The following BACH2 variants were observed in gnomAD, a reference collection of about 807,000 sequenced individuals.
The protein encoded by BACH2 is BACH transcriptional regulator 2, also known as transcription regulator protein BACH2.
A neutral mutation model predicts 61.8 loss-of-function variants in BACH2; 5 were observed. The ratio of observed to expected loss-of-function variants is 0.08; its 90% CI spans 0.04 to 0.17. The LOEUF is 0.17. BACH2 is among the 10% of genes least tolerant of loss of function. The pLI, the probability that BACH2 is intolerant of heterozygous loss-of-function variation, is 1.00. For missense variants in BACH2, 824 were observed against 1,091.1 expected (o/e 0.76, Z 3.45); for synonymous variants, 446 against 440.1 (o/e 1.01, Z -0.17).
intron 4 of BACH2, among the ~76,000 whole-genome samples, chr6:90,183,153 C>A (rs1377364228): frequency 6.6e-6 from 1 of 152,152 alleles, no homozygotes; most frequent in African/African-American, 2.4e-5. Flanking sequence ...TAATTCAGAC[C>A]AACCTTTACC....
chr6:89,959,660 T>A (rs1774630338), intron 6 of BACH2, among the ~76,000 whole-genome samples: 1 of 152,206 alleles, frequency 6.6e-6, no homozygotes, highest in African/African-American at 2.4e-5. Flanking sequence ...AATACAAACA[T>A]AACCGGAAAA....
At chr6:90,044,190 A>G (rs1157835713) in intron 5 of BACH2, among the ~76,000 whole-genome samples, 9 of 152,222 alleles carry the variant, frequency 5.9e-5, no homozygotes, top group Non-Finnish European at 1.0e-4. Context: ...AAAATAAGGC[A>G]GGGCAAGAGC....
chr6:89,977,777 C>T (rs1049016411), intron 6 of BACH2, among the ~76,000 whole-genome samples: 5 of 152,172 alleles, frequency 3.3e-5, no homozygotes, highest in African/African-American at 1.2e-4. Context: ...AAAAATTACA[C>T]AGCAGTGTCA....
At chr6:90,280,315 G>A (rs950232769) in intron 1 of BACH2, among the ~76,000 whole-genome samples, 4 of 151,868 alleles carry the variant, frequency 2.6e-5, no homozygotes, top group Non-Finnish European at 5.9e-5. Flanking sequence ...TTAGAAAGAA[G>A]AAAATACAAC....
chr6:90,251,617 GTA>G (rs1284037807), intron 3 of BACH2, among the ~76,000 whole-genome samples: 1 of 152,052 alleles, frequency 6.6e-6, no homozygotes, highest in Admixed American at 6.5e-5. Context: ...CTTAAAAAAC[GTA>G]TGTGTCACCA....
At chr6:90,001,788 T>C (rs779177402) in intron 6 of BACH2, among the ~76,000 whole-genome samples, 2 of 152,178 alleles carry the variant, frequency 1.3e-5, no homozygotes, top group African/African-American at 2.4e-5. Flanking sequence ...AATTTAGTCT[T>C]CCTGTGTGTC....
At chr6:90,150,348 G>A (rs542332325) in intron 4 of BACH2, among the ~76,000 whole-genome samples, 2 of 152,302 alleles carry the variant, frequency 1.3e-5, no homozygotes, top group African/African-American at 4.8e-5. Flanking sequence ...CCTCCTCAAT[G>A]GAGCCTCAGA....
At chr6:90,239,859 TACAG>T (rs1770386081) in intron 3 of BACH2, among the ~76,000 whole-genome samples, 1 of 147,000 alleles carries the variant, frequency 6.8e-6, no homozygotes, top group East Asian at 2.0e-4. Context: ...ACTATTCACA[TACAG>T]AAATATATAT....
rs957688180 is a variant in BACH2, at chr6:90,100,706, C to G, written c.-161-11597G>C. On this transcript the variant is annotated intron_variant, in intron 4 of 8. Coordinates refer to ENST00000257749, the MANE Select transcript of BACH2 (RefSeq NM_021813.4). ...CTCTCTACACACACACACACAGACA[C>G]ACACACACACACACACACACAGACA... Among the ~76,000 whole-genome samples, 47 of 143,280 alleles carry G rather than the reference C, an allele frequency of 3.3e-4. 1 individual carries two copies. Among genetic ancestry groups the G allele is most frequent in the Admixed American group, 1.7e-3 (25 of 14,432 alleles). 94.0% of individuals were successfully genotyped at this position (143,280 alleles called of 152,430 possible).
intron 3 of BACH2, among the ~76,000 whole-genome samples, chr6:90,224,781 TG>T (rs1355139797): frequency 1.3e-5 from 2 of 152,192 alleles, no homozygotes; most frequent in African/African-American, 4.8e-5. Context: ...AAAATGTAAA[TG>T]GAAGAACAAC....
At chr6:90,067,624 G>C (rs1210743283) in intron 5 of BACH2, among the ~76,000 whole-genome samples, 1 of 152,202 alleles carries the variant, frequency 6.6e-6, no homozygotes, top group Non-Finnish European at 1.5e-5. Context: ...GGGAAGGAGA[G>C]GGTGGAGGTG....
intron 4 of BACH2, among the ~76,000 whole-genome samples, chr6:90,105,613 A>C (rs568983093): frequency 1.3e-5 from 2 of 152,322 alleles, no homozygotes; most frequent in Admixed American, 6.5e-5. Flanking sequence ...CAAATGCATA[A>C]ATATGATTCT....
rs1017885548 is a variant in BACH2, at chr6:90,152,624, T to C, written c.-162+53945A>G. On this transcript the variant is annotated intron_variant, in intron 4 of 8. Coordinates refer to ENST00000257749, the MANE Select transcript of BACH2 (RefSeq NM_021813.4). ...TCATTTTCATTGAAAGTCTTGAATG[T>C]AGCATAGCATCACAAAGTAGGTGCC... Among the ~76,000 whole-genome samples, 19 of 152,338 alleles carry C rather than the reference T, an allele frequency of 1.2e-4. 1 individual carries two copies. Among genetic ancestry groups the C allele is most frequent in the Middle Eastern group, 6.8e-3 (2 of 294 alleles).
chr6:90,071,336 A>G (rs1239619427), intron 5 of BACH2, among the ~76,000 whole-genome samples: 1 of 152,256 alleles, frequency 6.6e-6, no homozygotes, highest in Non-Finnish European at 1.5e-5. Context: ...CTTGCAGTAC[A>G]GCATAATAAG....
chr6:90,220,095 T>C (rs1214925804), intron 3 of BACH2, among the ~76,000 whole-genome samples: 1 of 152,210 alleles, frequency 6.6e-6, no homozygotes, highest in Non-Finnish European at 1.5e-5. Context: ...TTTTTAATAG[T>C]ACACAGCAAT....
At chr6:89,959,869 G>A (rs906870892) in intron 6 of BACH2, among the ~76,000 whole-genome samples, 10 of 152,062 alleles carry the variant, frequency 6.6e-5, no homozygotes, top group Non-Finnish European at 8.8e-5. Context: ...ACTTATTATC[G>A]GACCTGCCAA....
intron 3 of BACH2, among the ~76,000 whole-genome samples, chr6:90,229,827 TAAC>T (rs2127859667): frequency 6.6e-6 from 1 of 152,294 alleles, no homozygotes; most frequent in East Asian, 1.9e-4. Context: ...TGAGCCCAGA[TAAC>T]AACTGAATTG....
At chr6:90,006,733 C>A (rs1459233987) in intron 6 of BACH2, among the ~76,000 whole-genome samples, 3 of 152,066 alleles carry the variant, frequency 2.0e-5, no homozygotes, top group Non-Finnish European at 4.4e-5. Flanking sequence ...CCTCCCTCCT[C>A]AGCCTCCTGA....
chr6:90,127,435 G>T (rs1783902855), intron 4 of BACH2, among the ~76,000 whole-genome samples: 1 of 152,202 alleles, frequency 6.6e-6, no homozygotes. Flanking sequence ...AGGCACCAGG[G>T]TGGGAAGTGG....
Sources: allele counts gnomAD v4.1 joint callset (sites outside exome capture counted in the v4.1 genomes callset), GRCh38; gene constraint gnomAD v4.1.1; transcripts MANE v1.5; gene names NCBI Gene and HGNC (gene_info 2026-07-23, HGNC 2026-07-21).